Variants in TENT5A observed in about 807,000 individuals in gnomAD.
TENT5A encodes the protein terminal nucleotidyltransferase 5A, also known as HBV X-transactivated gene 11 protein.
A neutral mutation model predicts 30.2 loss-of-function variants in TENT5A; 9 were observed. The ratio of observed to expected loss-of-function variants is 0.30; its 90% CI spans 0.18 to 0.52. TENT5A has a LOEUF of 0.52. Ranked by LOEUF, TENT5A falls within the 20% of genes least tolerant of loss-of-function variation. TENT5A has a pLI of 0.97. For synonymous variants in TENT5A, 264 were observed against 234.2 expected (o/e 1.13, Z -1.16); for missense variants, 411 against 566.1 (o/e 0.73, Z 2.78).
chr6:81,752,551 C>G lies in TENT5A; in HGVS notation c.-158G>C. ...ATAGCGACTTCGTCTTTCCCAGACC[C>G]CTGCCGCCTGCGCTCACCACTCCCT... On this transcript the variant is annotated 5_prime_UTR_variant, in exon 1 of 3. Coordinates refer to ENST00000320172, the MANE Select transcript of TENT5A (RefSeq NM_017633.3). 9.5e-7 allele frequency: 1 copy of G among 1,048,140 alleles called. No homozygotes were observed. Among genetic ancestry groups the G allele is most frequent in the Non-Finnish European group, 1.5e-6 (1 of 688,754 alleles). 64.9% of individuals were successfully genotyped at this position (1,048,140 alleles called of 1,614,324 possible). A position where few individuals can be genotyped will look rare whatever the true frequency, so the allele number is the denominator to read the frequency against.
Position 81,750,205 on chromosome 6 carries a change from A to T in TENT5A, c.819T>A (p.Asp273Glu). Residue 273 changes from aspartate to glutamate, a missense_variant, in exon 3 of 3, where the codon GAT becomes GAA. Transcript: ENST00000320172. This position sits in a 1 kb window ranked among gnomAD's most constrained non-coding sequence, Gnocchi z 4.2. Reference sequence around the variant, plus strand: ...TGGCAATGATCTTGTTACAAAGGTGATCAAAGGCTTCCTGGAAATCGCCAT... The same window carrying T: ...TGGCAATGATCTTGTTACAAAGGTGTTCAAAGGCTTCCTGGAAATCGCCAT... The part of the protein sequence containing the change: ...SVYGDFQEAF[D>E]HLCNKIIATR... 6.2e-7 allele frequency: 1 copy of T among 1,614,212 alleles called. No homozygotes were observed. The highest frequency in any genetic ancestry group is 1.6e-4 in the Middle Eastern group (1 of 6,062).
Position 81,752,192 on chromosome 6 carries a change from GA to G in TENT5A, c.-37-15del. The stretch of plus-strand genomic sequence containing the variant: ...CCCTGGTCAGTCCTAAAAAGAAAGG[GA>G]AAGGAGCGCGGTGAGGACGCGCGGC... On this transcript the variant is annotated splice_polypyrimidine_tract_variant and intron_variant, in intron 1 of 2. Coordinates refer to ENST00000320172, the MANE Select transcript of TENT5A (RefSeq NM_017633.3). The G allele has an allele frequency of 6.7e-7, 1 of 1,485,464 alleles. No individual in the cohort carries two copies. Among genetic ancestry groups the G allele is most frequent in the Non-Finnish European group, 8.9e-7 (1 of 1,119,906 alleles). 92.0% of individuals were successfully genotyped at this position (1,485,464 alleles called of 1,614,324 possible).
rs1240082608 is a variant in TENT5A at position 81,747,227 on chromosome 6, C to T, written c.*2468G>A. ...CTGCTCCTGTGTTCACAAGTGCTCCCCTAGTTTTCTTTCAGAAAACTTTGA... is the reference window on the plus strand; with the variant it reads ...CTGCTCCTGTGTTCACAAGTGCTCCTCTAGTTTTCTTTCAGAAAACTTTGA... On this transcript the variant is annotated 3_prime_UTR_variant, in exon 3 of 3. Coordinates refer to ENST00000320172, the MANE Select transcript of TENT5A (RefSeq NM_017633.3). 4.1e-6 allele frequency: 4 copies of T among 985,388 alleles called. No individual in the cohort carries two copies. In the East Asian group the frequency reaches 4.5e-4, roughly 112 times the overall value. 61.0% of individuals were successfully genotyped at this position (985,388 alleles called of 1,614,324 possible).
chr6:81,748,402 A>G lies in TENT5A; in HGVS notation c.*1293T>C. ...CTCACCAAAGAAAAAAAAAAAAAGA[A>G]AAAAAAATCCCACTAAAACAGTATA... is the stretch of plus-strand genomic sequence containing the variant. On this transcript the variant is annotated 3_prime_UTR_variant, in exon 3 of 3. Coordinates refer to ENST00000320172, the MANE Select transcript of TENT5A (RefSeq NM_017633.3). 1 of 980,522 alleles carries G rather than the reference A, an allele frequency of 1.0e-6. No homozygotes were observed. The highest frequency in any genetic ancestry group is 1.2e-6 in the Non-Finnish European group (1 of 826,844). 60.7% of individuals were successfully genotyped at this position (980,522 alleles called of 1,614,324 possible). A position where few individuals can be genotyped will look rare whatever the true frequency, so the allele number is the denominator to read the frequency against.
rs755419418 is a variant in TENT5A at position 81,745,996 on chromosome 6, C to T, written c.*3699G>A. The T allele has an allele frequency of 2.0e-6, 2 of 985,684 alleles. No homozygotes were observed. The highest frequency in any genetic ancestry group is 6.2e-5 in the Admixed American group (1 of 16,260). The allele number at this position is 985,684 out of a possible 1,614,324, so 61.1% of individuals were successfully genotyped here. On this transcript the variant is annotated 3_prime_UTR_variant, in exon 3 of 3. Transcript: ENST00000320172. The stretch of plus-strand genomic sequence containing the variant: ...AGGGAGAGACAGCCAGCAGGCAGAG[C>T]CTCCTCCGTTCTGCAAGGCTTTGCA...
Position 81,749,471 on chromosome 6 carries a change from T to C in TENT5A, c.*224A>G, listed in dbSNP as rs16893433. The C allele has an allele frequency of 3.3e-4, 419 of 1,280,586 alleles. 2 individuals are homozygous for C. In the East Asian group the frequency reaches 0.011, roughly 34 times the overall value. The allele number at this position is 1,280,586 out of a possible 1,614,324, so 79.3% of individuals were successfully genotyped here. ...TCTTTTTTTGCAGGATAGAATCCAA[T>C]TGGGTAGGAGAATAAGAGAAGGGAA... On this transcript the variant is annotated 3_prime_UTR_variant, in exon 3 of 3. Coordinates refer to ENST00000320172, the MANE Select transcript of TENT5A (RefSeq NM_017633.3).
rs1757353246 is a variant in TENT5A at position 81,747,157 on chromosome 6, G to C, written c.*2538C>G. The C allele has an allele frequency of 1.0e-6, 1 of 985,366 alleles. No homozygotes were observed. Among genetic ancestry groups the C allele is most frequent in the Non-Finnish European group, 1.2e-6 (1 of 829,860 alleles). The allele number at this position is 985,366 out of a possible 1,614,324, so 61.0% of individuals were successfully genotyped here. A position where few individuals can be genotyped will look rare whatever the true frequency, so the allele number is the denominator to read the frequency against. ...GACCTCCAGACTCTTTAAAATAGTA[G>C]ACGACTCATTTGTCAAGAGTTAGGG... is the stretch of plus-strand genomic sequence containing the variant. On this transcript the variant is annotated 3_prime_UTR_variant, in exon 3 of 3. Transcript: ENST00000320172.
At position 81,751,886 on chromosome 6, in the gene TENT5A, C is replaced by G; in HGVS notation, c.256G>C (p.Gly86Arg). 6.2e-7 allele frequency: 1 copy of G among 1,613,230 alleles called. No individual in the cohort carries two copies. The part of the protein sequence containing the change: ...GILSETIPIH[G>R]RGNFPTLELQ... ...TCGAGCGTGGGGAAGTTGCCGCGCC[C>G]GTGAATCGGAATGGTCTCGCTCAGG... The change falls in exon 2 of 3, where the codon GGG becomes CGG. Residue 86 changes from glycine (G) to arginine (R), a missense_variant. Gly to Arg is a moderately radical substitution (Grantham distance 125, BLOSUM62 -2). This residue lies in a region of TENT5A where 157 missense variants were observed against 183.2 expected (regional missense o/e 0.86). Transcript: ENST00000320172.
rs1768970236 is a variant in TENT5A, at chr6:81,749,048, C to A, written c.*647G>T. 3 of 985,682 alleles carry A rather than the reference C, an allele frequency of 3.0e-6. No homozygotes were observed. The highest frequency in any genetic ancestry group is 3.6e-6 in the Non-Finnish European group (3 of 829,920). 61.1% of individuals were successfully genotyped at this position (985,682 alleles called of 1,614,324 possible). On this transcript the variant is annotated 3_prime_UTR_variant, in exon 3 of 3. Coordinates refer to ENST00000320172, the MANE Select transcript of TENT5A (RefSeq NM_017633.3). ...TTAAAAATGTGATCTATGCACGCAGCTGGAATTAATGGATTGTGTCATCAT... is the reference window on the plus strand; with the variant it reads ...TTAAAAATGTGATCTATGCACGCAGATGGAATTAATGGATTGTGTCATCAT...
chr6:81,749,494 G>A lies in TENT5A; in HGVS notation c.*201C>T, dbSNP rs2127726362. ...AATTGGGTAGGAGAATAAGAGAAGG[G>A]AAAAGGATCCTTTCGAGATCATGCT... On this transcript the variant is annotated 3_prime_UTR_variant, in exon 3 of 3. Coordinates refer to ENST00000320172, the MANE Select transcript of TENT5A (RefSeq NM_017633.3). 1 of 1,339,384 alleles carries A rather than the reference G, an allele frequency of 7.5e-7. No homozygotes were observed. Among genetic ancestry groups the A allele is most frequent in the South Asian group, 2.2e-5 (1 of 46,226 alleles). The allele number at this position is 1,339,384 out of a possible 1,614,324, so 83.0% of individuals were successfully genotyped here.
chr6:81,752,353 CGCCCCGCAGAGCA>C (rs768405013), intron 1 of TENT5A, 65 bp downstream of exon 1: 4 of 1,549,302 alleles, frequency 2.6e-6, no homozygotes, highest in African/African-American at 2.7e-5. Flanking sequence ...CCGCGCACCG[CGCCCCGCAGAGCA>C]GCCCCGCACC....
rs879128167 is a variant in TENT5A at position 81,749,617 on chromosome 6, CTTTT to C, written c.*74_*77del. Reference sequence around the variant, plus strand: ...CATCCCTAATAAGGGCTGGATCACTCTTTTTTTTTTCTTTTTTTTTTTTTTCTCT... The same window carrying C: ...CATCCCTAATAAGGGCTGGATCACTCTTTTTTCTTTTTTTTTTTTTTCTCT... On this transcript the variant is annotated 3_prime_UTR_variant, in exon 3 of 3. Coordinates refer to ENST00000320172, the MANE Select transcript of TENT5A (RefSeq NM_017633.3). 5.5e-5 allele frequency: 75 copies of C among 1,371,060 alleles called. No homozygotes were observed. The highest frequency in any genetic ancestry group is 2.0e-4 in the Middle Eastern group (1 of 5,086). 84.9% of individuals were successfully genotyped at this position (1,371,060 alleles called of 1,614,324 possible). A position where few individuals can be genotyped will look rare whatever the true frequency, so the allele number is the denominator to read the frequency against.
Position 81,752,534 on chromosome 6 carries a change from T to C in TENT5A, c.-141A>G. ...GCGCGCTCAGACAGCAAATAGCGAC[T>C]TCGTCTTTCCCAGACCCCTGCCGCC... On this transcript the variant is annotated 5_prime_UTR_variant, in exon 1 of 3. Coordinates refer to ENST00000320172, the MANE Select transcript of TENT5A (RefSeq NM_017633.3). The C allele has an allele frequency of 8.0e-7, 1 of 1,243,336 alleles. No homozygotes were observed. The highest frequency in any genetic ancestry group is 1.3e-5 in the South Asian group (1 of 77,938). The allele number at this position is 1,243,336 out of a possible 1,614,324, so 77.0% of individuals were successfully genotyped here.
Position 81,751,694 on chromosome 6 carries a change from C to A in TENT5A, c.448G>T (p.Gly150Trp). The A allele has an allele frequency of 1.9e-6, 3 of 1,614,212 alleles. No homozygotes were observed. Among genetic ancestry groups the A allele is most frequent in the Non-Finnish European group, 2.5e-6 (3 of 1,180,052 alleles). The stretch of plus-strand genomic sequence containing the variant: ...TTCACAGTCTGAAACTCCCCTTCCC[C>A]GCGCAGGTCGGCGCAGAAGATGAGG... Reference protein sequence around the residue: ...LDLIFCADLRGEGEFQTVKDV... With the variant: ...LDLIFCADLRWEGEFQTVKDV... The change falls in exon 2 of 3, where the codon GGG becomes TGG. Residue 150 changes from glycine (G) to tryptophan (W), a missense_variant. Around this residue, in one of 5 missense-constraint regions of TENT5A, gnomAD observed 157 missense variants for 183.2 expected, o/e 0.86. Coordinates refer to ENST00000320172, the MANE Select transcript of TENT5A (RefSeq NM_017633.3).
chr6:81,747,465 C>G lies in TENT5A; in HGVS notation c.*2230G>C, dbSNP rs1037804310. The G allele has an allele frequency of 2.7e-5, 27 of 985,726 alleles. No individual in the cohort carries two copies. In the African/African-American group the frequency reaches 4.7e-4, roughly 17 times the overall value. 61.1% of individuals were successfully genotyped at this position (985,726 alleles called of 1,614,324 possible). On this transcript the variant is annotated 3_prime_UTR_variant, in exon 3 of 3. Coordinates refer to ENST00000320172, the MANE Select transcript of TENT5A (RefSeq NM_017633.3). ...AGCTCTGACAGAATTCACAAGGAAGCTGCTACAGCAAACCCATCAGGTTCC... is the reference window on the plus strand; with the variant it reads ...AGCTCTGACAGAATTCACAAGGAAGGTGCTACAGCAAACCCATCAGGTTCC...
At position 81,751,552 on chromosome 6, in the gene TENT5A, A is replaced by T. The variant is rs201145878; in HGVS notation, c.552+38T>A. 35 of 1,541,084 alleles carry T rather than the reference A, an allele frequency of 2.3e-5. No homozygotes were observed. The East Asian group carries it at 7.4e-4, about 33-fold the overall frequency. On this transcript the variant is annotated intron_variant, in intron 2 of 2. Coordinates refer to ENST00000320172, the MANE Select transcript of TENT5A (RefSeq NM_017633.3). ...CCGCTCCCCGTCACACCCGGCCCAG[A>T]CTGGGTCAGGACCCAAGTGCATCTC...
At position 81,746,101 on chromosome 6, in the gene TENT5A, A is replaced by G. The variant is rs1724192272; in HGVS notation, c.*3594T>C. The stretch of plus-strand genomic sequence containing the variant: ...TAGAAAGCCATTATTTTAACAAAAT[A>G]TAACATAGAGATTCTTTCTTAGCAC... On this transcript the variant is annotated 3_prime_UTR_variant, in exon 3 of 3. Coordinates refer to ENST00000320172, the MANE Select transcript of TENT5A (RefSeq NM_017633.3). 1 of 982,346 alleles carries G rather than the reference A, an allele frequency of 1.0e-6. No individual in the cohort carries two copies. The highest frequency in any genetic ancestry group is 1.2e-6 in the Non-Finnish European group (1 of 826,590). 60.9% of individuals were successfully genotyped at this position (982,346 alleles called of 1,614,324 possible).
chr6:81,749,186 G>A lies in TENT5A; in HGVS notation c.*509C>T. The A allele has an allele frequency of 1.0e-6, 1 of 986,120 alleles. No individual in the cohort carries two copies. The highest frequency in any genetic ancestry group is 1.2e-6 in the Non-Finnish European group (1 of 830,130). The allele number at this position is 986,120 out of a possible 1,614,324, so 61.1% of individuals were successfully genotyped here. A position where few individuals can be genotyped will look rare whatever the true frequency, so the allele number is the denominator to read the frequency against. On this transcript the variant is annotated 3_prime_UTR_variant, in exon 3 of 3. Coordinates refer to ENST00000320172, the MANE Select transcript of TENT5A (RefSeq NM_017633.3). Reference sequence around the variant, plus strand: ...CAGAAAGCACTTGCTACAAGCCTCAGACAGTAATCCCAACGTTGGAGTTCC... The same window carrying A: ...CAGAAAGCACTTGCTACAAGCCTCAAACAGTAATCCCAACGTTGGAGTTCC...
At position 81,750,429 on chromosome 6, in the gene TENT5A, C is replaced by T; in HGVS notation, c.595G>A (p.Asp199Asn). The T allele has an allele frequency of 6.9e-6, 11 of 1,591,898 alleles. No individual in the cohort carries two copies. Among genetic ancestry groups the T allele is most frequent in the Non-Finnish European group, 9.4e-6 (11 of 1,171,084 alleles). ...GACAGGGATATAAGACTCCATCGGT[C>T]AGAGTCATTGCACACTTTAACCATT... is the stretch of plus-strand genomic sequence containing the variant. The part of the protein sequence containing the change: ...QKMVKVCNDS[D>N]RWSLISLSNN... Residue 199 changes from aspartate (D) to asparagine (N), a missense_variant, in exon 3 of 3, where the codon GAC becomes AAC. Asp to Asn is a conservative substitution (Grantham distance 23). This residue lies in a region of TENT5A where 135 missense variants were observed against 240.0 expected (regional missense o/e 0.56). Coordinates refer to ENST00000320172, the MANE Select transcript of TENT5A (RefSeq NM_017633.3). This position sits in a 1 kb window ranked among gnomAD's most constrained non-coding sequence, Gnocchi z 4.2.
Sources: allele counts gnomAD v4.1 joint callset, GRCh38; gene constraint gnomAD v4.1.1; regional missense constraint gnomAD v4.1.1; non-coding constraint Gnocchi (gnomAD v3.1); transcripts MANE v1.5; gene names NCBI Gene and HGNC (gene_info 2026-07-23, HGNC 2026-07-21).